Variants in AIG1 observed in about 807,000 individuals in gnomAD.
AIG1 encodes the protein androgen-induced gene 1 protein.
A neutral mutation model predicts 31.4 loss-of-function variants in AIG1; 23 were observed. The observed-to-expected ratio is 0.73, with a 90% CI of 0.53 to 1.04. The LOEUF (loss-of-function observed/expected upper bound fraction) is 1.04. Ranked by LOEUF, AIG1 falls within the 50% of genes least tolerant of loss-of-function variation. The pLI is 0.00. For synonymous variants in AIG1, 100 were observed against 110.5 expected, an observed-to-expected ratio of 0.90 and a Z score of 0.60; for missense variants, 274 against 295.0, an observed-to-expected ratio of 0.93 and a Z score of 0.52.
chr6:143,082,853 A>T (rs1314187776), intron 1 of AIG1, among the ~76,000 whole-genome samples: 1 of 152,234 alleles, frequency 6.6e-6, no homozygotes, highest in Non-Finnish European at 1.5e-5. Context: ...TGGTAAGCTT[A>T]ACACTGGGGC....
rs1777765761 is a variant in AIG1, at chr6:143,339,638, G to A, written c.680-1G>A. On this transcript the variant is annotated splice_acceptor_variant, in intron 5 of 5. Transcript: ENST00000357847. LOFTEE classifies it high-confidence loss of function. ...ATAAAACACTTTGCCTGTATTTCTA[G>A]GTATGGAAGAAGAGAAAGAAAAGCC... 6.2e-7 allele frequency: 1 copy of A among 1,612,824 alleles called. No homozygotes were observed. The highest frequency in any genetic ancestry group is 1.7e-5 in the Admixed American group (1 of 59,866).
In AIG1 at chr6:143,229,021, A is replaced by G. The variant is rs376805917; in HGVS notation, c.400-55089A>G. ...ATAGAAACCCAGATTTGGGGCCAGT[A>G]GGAGGAACTGTGACTCTCCAAGCCA... On this transcript the variant is annotated intron_variant, in intron 3 of 5. Transcript: ENST00000357847. 4.1e-4 allele frequency among the ~76,000 whole-genome samples: 63 copies of G among 152,316 alleles called. 2 individuals are homozygous for G. The East Asian group carries it at 9.3e-3, about 22-fold the overall frequency.
At position 143,281,107 on chromosome 6, in the gene AIG1, G is replaced by A. The variant is rs541876544; in HGVS notation, c.400-3003G>A. Among the ~76,000 whole-genome samples, 23 of 152,250 alleles carry A rather than the reference G, an allele frequency of 1.5e-4. 1 individual carries two copies. The highest frequency in any genetic ancestry group is 7.3e-5 in the Non-Finnish European group (5 of 68,030). On this transcript the variant is annotated intron_variant, in intron 3 of 5. Coordinates refer to ENST00000357847, the MANE Select transcript of AIG1 (RefSeq NM_016108.4). ...TTATTGATTCAAACATTATTCAACTGTGATATCTTTTAAAAATATAATACT... is the reference window on the plus strand; with the variant it reads ...TTATTGATTCAAACATTATTCAACTATGATATCTTTTAAAAATATAATACT...
intron 3 of AIG1, among the ~76,000 whole-genome samples, chr6:143,166,893 C>T (rs1787010519): frequency 6.6e-6 from 1 of 152,118 alleles, no homozygotes; most frequent in South Asian, 2.1e-4. Flanking sequence ...GGGATTTGAA[C>T]CCAGGCCTAT....
intron 5 of AIG1, among the ~76,000 whole-genome samples, chr6:143,337,223 G>A (rs1005445806): frequency 2.6e-5 from 4 of 152,184 alleles, no homozygotes; most frequent in African/African-American, 9.7e-5. Context: ...TGCTGTCAAT[G>A]TTTCTGCTGG....
chr6:143,284,411 C>T lies in AIG1; in HGVS notation c.515+186C>T, dbSNP rs758555841. 2.0e-5 allele frequency among the ~76,000 whole-genome samples: 3 copies of T among 152,214 alleles called. No individual in the cohort carries two copies. Among genetic ancestry groups the T allele is most frequent in the Non-Finnish European group, 4.4e-5 (3 of 68,038 alleles). ...TTTAGAAAGTATATGCCAAACCTCA[C>T]ACAACAGGAATTTGTTGAACAATCC... On this transcript the variant is annotated intron_variant, in intron 4 of 5. Transcript: ENST00000357847. The surrounding 1 kb of genome is among the most constrained non-coding windows in gnomAD (Gnocchi z 4.4).
At chr6:143,164,792 G>A (rs566301833) in intron 2 of AIG1, among the ~76,000 whole-genome samples, 4 of 152,264 alleles carry the variant, frequency 2.6e-5, no homozygotes, top group African/African-American at 9.6e-5. Context: ...AGCACAATTA[G>A]CCCTGAAACG....
rs141535131 is a variant in AIG1 at position 143,266,075 on chromosome 6, C to T, written c.400-18035C>T. The stretch of plus-strand genomic sequence containing the variant: ...AGAATAATATGGCCCATAAGCTGGG[C>T]GCCATGGCTCACGCCTGTAATCCCA... On this transcript the variant is annotated intron_variant, in intron 3 of 5. Transcript: ENST00000357847. Among the ~76,000 whole-genome samples, 960 of 152,278 alleles carry T rather than the reference C, an allele frequency of 6.3e-3. 34 individuals carry two copies. The highest frequency in any genetic ancestry group is 0.054 in the Admixed American group (831 of 15,292).
intron 4 of AIG1, among the ~76,000 whole-genome samples, chr6:143,307,639 G>A (rs187606532): frequency 0.055 from 8,075 of 146,240 alleles, 679 homozygotes; most frequent in African/African-American, 0.18. Flanking sequence ...TAGGCTGCTC[G>A]GGGGTCAGGG....
chr6:143,335,011 A>T (rs1777362920), intron 5 of AIG1: 1 of 1,160,744 alleles, frequency 8.6e-7, no homozygotes. Context: ...TCTTTTAAGT[A>T]ACATAAGATT....
At chr6:143,215,791 G>A (rs191955287) in intron 3 of AIG1, among the ~76,000 whole-genome samples, 3 of 152,140 alleles carry the variant, frequency 2.0e-5, no homozygotes, top group Admixed American at 6.5e-5. Context: ...TTACATAAGA[G>A]AGTAATGAAT....
At chr6:143,275,203 G>T (rs1232635543) in intron 3 of AIG1, among the ~76,000 whole-genome samples, 2 of 152,158 alleles carry the variant, frequency 1.3e-5, no homozygotes, top group African/African-American at 4.8e-5. Context: ...AGGTGAGGAA[G>T]AGGTGTGAGG....
At chr6:143,287,121 A>G (rs1200606418) in intron 4 of AIG1, among the ~76,000 whole-genome samples, 4 of 151,058 alleles carry the variant, frequency 2.6e-5, no homozygotes, top group Non-Finnish European at 4.4e-5. Context: ...ACCCCCCTCC[A>G]TCATCAACCC....
intron 3 of AIG1, among the ~76,000 whole-genome samples, chr6:143,192,740 A>G (rs1179339120): frequency 6.6e-6 from 1 of 152,200 alleles, no homozygotes; most frequent in East Asian, 1.9e-4. Flanking sequence ...TTTATAATCT[A>G]GTGAAGGAGA....
intron 1 of AIG1, among the ~76,000 whole-genome samples, chr6:143,065,785 T>C (rs1441589719): frequency 6.6e-6 from 1 of 152,256 alleles, no homozygotes; most frequent in Non-Finnish European, 1.5e-5. Context: ...TGGTAGAGTC[T>C]AACAGATGAG....
Position 143,206,293 on chromosome 6 carries a change from T to C in AIG1, c.399+41110T>C, listed in dbSNP as rs986690397. 1.6e-4 allele frequency among the ~76,000 whole-genome samples: 25 copies of C among 152,210 alleles called. 1 individual carries two copies. Among genetic ancestry groups the C allele is most frequent in the Admixed American group, 6.5e-5 (1 of 15,274 alleles). ...GGATCTATTTTAAGTAACAACTACT[T>C]TTTTCCTTCTCAAGGTAGTTCTTAA... On this transcript the variant is annotated intron_variant, in intron 3 of 5. Transcript: ENST00000357847.
intron 3 of AIG1, among the ~76,000 whole-genome samples, chr6:143,242,135 G>T (rs986675317): frequency 6.6e-6 from 1 of 152,170 alleles, no homozygotes; most frequent in African/African-American, 2.4e-5. Context: ...GGCTTAGAAT[G>T]AGCACGAGCA....
At chr6:143,061,153 C>A in intron 1 of AIG1, 87 bp downstream of exon 1, 1 of 1,449,744 alleles carries the variant, frequency 6.9e-7, no homozygotes. Flanking sequence ...TGTGTGGATG[C>A]GCGAGCACCT....
At chr6:143,302,330 C>A (rs981084042) in intron 4 of AIG1, among the ~76,000 whole-genome samples, 3 of 151,470 alleles carry the variant, frequency 2.0e-5, no homozygotes, top group Non-Finnish European at 4.4e-5. Flanking sequence ...CCATTAACTC[C>A]TCATTTAGCA....
Sources: allele counts gnomAD v4.1 joint callset (sites outside exome capture counted in the v4.1 genomes callset), GRCh38; gene constraint gnomAD v4.1.1; non-coding constraint Gnocchi (gnomAD v3.1); transcripts MANE v1.5; gene names NCBI Gene and HGNC (gene_info 2026-07-23, HGNC 2026-07-21).